Variants in FOXP1 observed in about 807,000 individuals in gnomAD.
FOXP1 encodes the protein forkhead box P1, also known as forkhead box protein P1.
FOXP1 carries 15 observed loss-of-function variants against 98.2 expected under a neutral mutation model. The ratio of observed to expected loss-of-function variants is 0.15; its 90% CI spans 0.10 to 0.24. FOXP1 has a LOEUF of 0.24. Ranked by LOEUF, FOXP1 falls within the 10% of genes least tolerant of loss-of-function variation. The pLI, the probability that FOXP1 is intolerant of heterozygous loss-of-function variation, is 1.00. For synonymous variants in FOXP1, 371 were observed against 314.5 expected (o/e 1.18, Z -1.90); for missense variants, 633 against 848.5 (o/e 0.75, Z 3.15).
At chr3:70,995,943 C>G (rs902540999) in intron 13 of FOXP1, among the ~76,000 whole-genome samples, 1 of 152,152 alleles carries the variant, frequency 6.6e-6, no homozygotes, top group Non-Finnish European at 1.5e-5. Flanking sequence ...ATTGGTATTT[C>G]TATTGAAACT....
intron 10 of FOXP1, 101 bp downstream of exon 10, chr3:71,046,841 G>C: frequency 7.4e-7 from 1 of 1,349,020 alleles, no homozygotes; most frequent in Non-Finnish European, 1.1e-6. Context: ...CTATGTGCAT[G>C]TTTTGATGGA....
At chr3:70,967,710 G>GTTTTTTTTTTTTTTTTTTTTTT (rs756777959) in intron 19 of FOXP1, among the ~76,000 whole-genome samples, 11 of 68,868 alleles carry the variant, frequency 1.6e-4, no homozygotes, top group South Asian at 1.2e-3. Flanking sequence ...GTTTTTTTTT[G>GTTTTTTTTTTTTTTTTTTTTTT]TTTTTTTTTT....
intron 5 of FOXP1, among the ~76,000 whole-genome samples, chr3:71,252,567 C>A (rs747712208): frequency 6.6e-6 from 1 of 152,140 alleles, no homozygotes; most frequent in African/African-American, 2.4e-5. Context: ...CCCTGAAGAA[C>A]AACAACAATG....
intron 4 of FOXP1, among the ~76,000 whole-genome samples, chr3:71,319,507 T>A (rs2075275085): frequency 6.6e-6 from 1 of 152,206 alleles, no homozygotes; most frequent in African/African-American, 2.4e-5. Context: ...GACTTTATAA[T>A]CTCTGTTCAG....
At chr3:71,119,560 C>A (rs1373572649) in intron 6 of FOXP1, among the ~76,000 whole-genome samples, 1 of 152,176 alleles carries the variant, frequency 6.6e-6, no homozygotes, top group Non-Finnish European at 1.5e-5. Flanking sequence ...GTCGTGTTCT[C>A]TCCTCTGTTT....
intron 6 of FOXP1, among the ~76,000 whole-genome samples, chr3:71,177,034 G>C (rs2061984226): frequency 6.6e-6 from 1 of 152,294 alleles, no homozygotes; most frequent in East Asian, 1.9e-4. Flanking sequence ...CTGCACTCCA[G>C]CCTGGGCAAC....
intron 5 of FOXP1, among the ~76,000 whole-genome samples, chr3:71,299,590 A>G (rs1180956043): frequency 1.3e-5 from 2 of 152,262 alleles, no homozygotes; most frequent in Admixed American, 1.3e-4. Flanking sequence ...CAGCTTCAAC[A>G]AACAGAGAAG....
intron 2 of FOXP1, among the ~76,000 whole-genome samples, chr3:71,538,359 T>C (rs2044478193): frequency 6.6e-6 from 1 of 152,224 alleles, no homozygotes; most frequent in South Asian, 2.1e-4. Context: ...ACTACAAATC[T>C]ACTTTGTGTC....
intron 3 of FOXP1, among the ~76,000 whole-genome samples, chr3:71,372,905 C>T (rs943662893): frequency 3.4e-4 from 51 of 152,206 alleles, no homozygotes; most frequent in African/African-American, 1.2e-3. Context: ...TCGTAAATGA[C>T]CCTTGAGAGG....
chr3:71,510,121 T>C (rs545012727), intron 2 of FOXP1, among the ~76,000 whole-genome samples: 30 of 151,382 alleles, frequency 2.0e-4, no homozygotes, highest in Admixed American at 2.0e-4. Context: ...GCGGAGGTTG[T>C]AGTGAGCCGA....
At chr3:71,161,263 C>G (rs1397428963) in intron 6 of FOXP1, among the ~76,000 whole-genome samples, 1 of 152,208 alleles carries the variant, frequency 6.6e-6, no homozygotes, top group Non-Finnish European at 1.5e-5. Flanking sequence ...TGGCTGGGCT[C>G]AGCTAGGCGA....
intron 6 of FOXP1, among the ~76,000 whole-genome samples, chr3:71,146,901 C>G (rs1007892215): frequency 6.6e-6 from 1 of 152,214 alleles, no homozygotes; most frequent in African/African-American, 2.4e-5. Flanking sequence ...GCGCGGGGAA[C>G]AATGTTAAGC....
At chr3:71,018,871 T>G (rs901089433) in intron 11 of FOXP1, among the ~76,000 whole-genome samples, 15 of 152,236 alleles carry the variant, frequency 9.9e-5, no homozygotes, top group African/African-American at 3.4e-4. Flanking sequence ...TTAATTTTTT[T>G]GCACACATAT....
intron 3 of FOXP1, among the ~76,000 whole-genome samples, chr3:71,410,252 T>G (rs1044583121): frequency 6.6e-6 from 1 of 152,214 alleles, no homozygotes; most frequent in African/African-American, 2.4e-5. Flanking sequence ...AAAGCAAGTA[T>G]CTACCAGACT....
intron 6 of FOXP1, among the ~76,000 whole-genome samples, chr3:71,186,024 T>G (rs1052854727): frequency 6.6e-6 from 1 of 152,254 alleles, no homozygotes; most frequent in African/African-American, 2.4e-5. Flanking sequence ...TTAAAAATTG[T>G]AAGAACTTTT....
intron 2 of FOXP1, among the ~76,000 whole-genome samples, chr3:71,576,549 AGATT>A (rs2047733346): frequency 6.6e-6 from 1 of 152,202 alleles, no homozygotes; most frequent in Non-Finnish European, 1.5e-5. Context: ...TAATTTAAAT[AGATT>A]ATTAGTTGTC....
intron 19 of FOXP1, among the ~76,000 whole-genome samples, chr3:70,967,129 G>C (rs1254651395): frequency 6.6e-6 from 1 of 152,182 alleles, no homozygotes; most frequent in Non-Finnish European, 1.5e-5. Flanking sequence ...AAGTACATTA[G>C]ATGTACTTCT....
At chr3:71,256,633 C>T (rs935081469) in intron 5 of FOXP1, among the ~76,000 whole-genome samples, 2 of 152,138 alleles carry the variant, frequency 1.3e-5, no homozygotes, top group Non-Finnish European at 1.5e-5. Flanking sequence ...TCACCTGCCT[C>T]GGCCTCCCAA....
intron 7 of FOXP1, among the ~76,000 whole-genome samples, chr3:71,089,484 G>A (rs2055547541): frequency 5.9e-5 from 9 of 152,184 alleles, no homozygotes; most frequent in Admixed American, 5.9e-4. Context: ...CACAGAAAGT[G>A]TGTAAAAGAA....
Sources: gnomAD v4.1 joint callset for allele counts (sites outside exome capture counted in the v4.1 genomes callset) on GRCh38, gnomAD v4.1.1 for gene constraint, MANE v1.5 for transcripts, NCBI Gene and HGNC (gene_info 2026-07-23, HGNC 2026-07-21) for gene names.